The following NRG3 variants were observed in gnomAD, a reference collection of about 807,000 sequenced individuals.
NRG3 encodes the protein neuregulin 3.
In NRG3, 31 loss-of-function variants were observed where a neutral mutation model predicts 66.9. The ratio of observed to expected loss-of-function variants is 0.46; its 90% CI spans 0.35 to 0.63. The LOEUF is 0.63. Among genes scored for constraint, NRG3 ranks in the 20% least tolerant of loss-of-function variants. The pLI is 0.00. For missense variants in NRG3, 910 were observed against 878.9 expected (o/e 1.04, Z -0.45); for synonymous variants, 393 against 359.4 (o/e 1.09, Z -1.06).
intron 4 of NRG3, among the ~76,000 whole-genome samples, chr10:82,901,143 C>T (rs1237151455): frequency 6.6e-6 from 1 of 152,182 alleles, no homozygotes; most frequent in Non-Finnish European, 1.5e-5. Flanking sequence ...TTTTCATTCC[C>T]TCCTGTACTG....
intron 3 of NRG3, among the ~76,000 whole-genome samples, chr10:82,746,434 C>T (rs576816629): frequency 2.0e-5 from 3 of 152,268 alleles, no homozygotes; most frequent in South Asian, 2.1e-4. Flanking sequence ...AACTGGTTCT[C>T]GGTTCTCCTG....
At chr10:82,819,880 T>G (rs2061872016) in intron 3 of NRG3, among the ~76,000 whole-genome samples, 1 of 152,164 alleles carries the variant, frequency 6.6e-6, no homozygotes, top group Admixed American at 6.5e-5. Flanking sequence ...AATTTGCAAA[T>G]GAGGGCATTA....
intron 2 of NRG3, among the ~76,000 whole-genome samples, chr10:82,725,855 G>A (rs148844452): frequency 3.9e-5 from 6 of 152,158 alleles, no homozygotes; most frequent in African/African-American, 7.2e-5. Context: ...TAGATATTAC[G>A]TTCCCCTACT....
chr10:81,939,188 T>A (rs1333578982), intron 1 of NRG3, among the ~76,000 whole-genome samples: 1 of 152,020 alleles, frequency 6.6e-6, no homozygotes, highest in South Asian at 2.1e-4. Flanking sequence ...ATTTTGAGGA[T>A]TTTTGCATCA....
rs1033385485 is a variant in NRG3, at chr10:81,918,924, CTTAT to C, written c.823+42776_823+42779del. 1.1e-3 allele frequency among the ~76,000 whole-genome samples: 172 copies of C among 151,034 alleles called. 1 individual carries two copies. The highest frequency in any genetic ancestry group is 0.01 in the Middle Eastern group (3 of 292). ...ACATCTGGTGTTTAACAACACATTG[CTTAT>C]TTATTTATTTATTTCAAATCATTAA... is the stretch of plus-strand genomic sequence containing the variant. On this transcript the variant is annotated intron_variant, in intron 1 of 8. Transcript: ENST00000372141.
At position 82,769,952 on chromosome 10, in the gene NRG3, T is replaced by A. The variant is rs1040066430; in HGVS notation, c.1027+31302T>A. ...ACGTGATGCAGACCCAGCCCTCATT[T>A]CTGTAAGGATTGAATCCTGAGTCTG... On this transcript the variant is annotated intron_variant, in intron 3 of 8. Transcript: ENST00000372141. Among the ~76,000 whole-genome samples the A allele has an allele frequency of 3.3e-5, 5 of 152,108 alleles. No individual in the cohort carries two copies. The East Asian group carries it at 9.7e-4, about 29-fold the overall frequency.
At chr10:82,746,998 G>T (rs7084223) in intron 3 of NRG3, among the ~76,000 whole-genome samples, 4 of 151,996 alleles carry the variant, frequency 2.6e-5, no homozygotes, top group African/African-American at 9.7e-5. Context: ...CTGGAGGATC[G>T]CTTGAGCTCA....
intron 1 of NRG3, among the ~76,000 whole-genome samples, chr10:82,012,376 G>A (rs544067387): frequency 2.0e-5 from 3 of 152,294 alleles, no homozygotes; most frequent in Admixed American, 2.0e-4. Flanking sequence ...TAGGGCTCTA[G>A]GCCTATGAAG....
intron 4 of NRG3, among the ~76,000 whole-genome samples, chr10:82,876,335 T>C (rs945994537): frequency 2.6e-5 from 4 of 151,644 alleles, no homozygotes; most frequent in Admixed American, 2.6e-4. Flanking sequence ...ACATTAATTA[T>C]GTAGTAATTA....
At chr10:82,361,171 T>C (rs370787469) in intron 2 of NRG3, among the ~76,000 whole-genome samples, 4 of 152,226 alleles carry the variant, frequency 2.6e-5, no homozygotes, top group African/African-American at 9.6e-5. Flanking sequence ...CTAATTTTTG[T>C]AACACACATA....
rs555710213 is a variant in NRG3, at chr10:82,065,203, G to C, written c.823+189040G>C. 2.6e-5 allele frequency among the ~76,000 whole-genome samples: 4 copies of C among 152,158 alleles called. No homozygotes were observed. The South Asian group carries it at 8.3e-4, about 32-fold the overall frequency. On this transcript the variant is annotated intron_variant, in intron 1 of 8. Transcript: ENST00000372141. ...TACGTAAAACTATGAGGGGAATTGA[G>C]AGTGATAATGAAAAATCCATCTATT...
chr10:82,536,463 C>G (rs1289866326), intron 2 of NRG3, among the ~76,000 whole-genome samples: 1 of 152,092 alleles, frequency 6.6e-6, no homozygotes, highest in Admixed American at 6.5e-5. Flanking sequence ...TTCCCTTTTG[C>G]TTTTGCACTT....
At chr10:82,022,074 A>G (rs749519286) in intron 1 of NRG3, among the ~76,000 whole-genome samples, 34 of 151,902 alleles carry the variant, frequency 2.2e-4, no homozygotes, top group Non-Finnish European at 4.6e-4. Flanking sequence ...ATTCATTTAC[A>G]CATCTGTTAA....
chr10:82,358,713 G>A lies in NRG3; in HGVS notation c.824-26G>A, dbSNP rs745860661. ...GGTGTCAGAATGTACTGCTGACAGC[G>A]TTTCCCCCTGTGCTTTCCCTGACAG... is the stretch of plus-strand genomic sequence containing the variant. On this transcript the variant is annotated intron_variant, in intron 1 of 8. Transcript: ENST00000372141. The A allele has an allele frequency of 3.1e-6, 5 of 1,613,684 alleles. No individual in the cohort carries two copies. The South Asian group carries it at 3.3e-5, about 11-fold the overall frequency.
At chr10:82,481,306 C>T (rs1203390715) in intron 2 of NRG3, among the ~76,000 whole-genome samples, 1 of 152,130 alleles carries the variant, frequency 6.6e-6, no homozygotes, top group African/African-American at 2.4e-5. Flanking sequence ...TTTCTTCAGC[C>T]ATTATTTATT....
intron 4 of NRG3, among the ~76,000 whole-genome samples, chr10:82,912,784 T>A (rs1342171424): frequency 6.6e-6 from 1 of 152,216 alleles, no homozygotes; most frequent in Non-Finnish European, 1.5e-5. Flanking sequence ...GTATTTTATA[T>A]GATGGTATTT....
At chr10:82,039,799 A>G (rs2207771) in intron 1 of NRG3, among the ~76,000 whole-genome samples, 148,245 of 152,182 alleles carry the variant, frequency 0.97, 72,227 homozygotes, top group African/African-American at 0.99. Context: ...AGGTCTAAGT[A>G]TTCTCTCTTC....
intron 1 of NRG3, among the ~76,000 whole-genome samples, chr10:81,885,637 TA>T (rs1842553757): frequency 6.6e-6 from 1 of 152,142 alleles, no homozygotes; most frequent in Non-Finnish European, 1.5e-5. Flanking sequence ...TACAAACTTA[TA>T]AAAATAAAAT....
At chr10:82,978,901 A>G (rs756871793) in intron 7 of NRG3, 49 bp from the exon 8 acceptor site, 2 of 1,583,178 alleles carry the variant, frequency 1.3e-6, no homozygotes, top group South Asian at 2.3e-5. Context: ...GGTTATTGCT[A>G]TGATGTCTTT....
Sources: allele counts gnomAD v4.1 joint callset (sites outside exome capture counted in the v4.1 genomes callset), GRCh38; gene constraint gnomAD v4.1.1; transcripts MANE v1.5; gene names NCBI Gene and HGNC (gene_info 2026-07-23, HGNC 2026-07-21).